The following VPS39 variants were observed in gnomAD, a reference collection of about 807,000 sequenced individuals.
The protein encoded by VPS39 is vam6/Vps39-like protein.
Under a neutral mutation model 121.0 loss-of-function variants are expected in VPS39, and 70 were observed. That is an observed-to-expected ratio of 0.58 (90% confidence interval 0.48 to 0.71). The LOEUF (loss-of-function observed/expected upper bound fraction) is 0.71. Ranked by LOEUF, VPS39 falls within the 30% of genes least tolerant of loss-of-function variation. The probability of loss-of-function intolerance (pLI) is 0.00; values close to 1 mark genes in which losing one functional copy is unlikely to be tolerated. For missense variants in VPS39, 818 were observed against 1,051.5 expected, an observed-to-expected ratio of 0.78 and a Z score of 3.07; for synonymous variants, 378 against 398.1, an observed-to-expected ratio of 0.95 and a Z score of 0.60.
chr15:42,202,206 C>T (rs1330335044), intron 1 of VPS39, among the ~76,000 whole-genome samples: 1 of 152,158 alleles, frequency 6.6e-6, no homozygotes, highest in Admixed American at 6.5e-5. Context: ...AGGTCAGCAC[C>T]TACATTCCTT....
chr15:42,207,159 T>A (rs1220986566), intron 1 of VPS39, among the ~76,000 whole-genome samples: 1 of 151,466 alleles, frequency 6.6e-6, no homozygotes, highest in African/African-American at 2.5e-5. Flanking sequence ...ACGCACATGG[T>A]ATCAGACACC....
Position 42,187,374 on chromosome 15 carries a change from A to C in VPS39, c.442-11T>G. 1.3e-6 allele frequency: 2 copies of C among 1,590,704 alleles called. No homozygotes were observed. On this transcript the variant is annotated splice_polypyrimidine_tract_variant and intron_variant, in intron 6 of 24. Coordinates refer to ENST00000318006, the MANE Select transcript of VPS39 (RefSeq NM_015289.5). ...CACACTAAAGTCCCCCTGAAAAAAG[A>C]GAGCAAGGATCTGAATGAAATAAAT...
chr15:42,166,939 G>A, intron 13 of VPS39, 26 bp from the exon 14 acceptor site: 1 of 1,613,226 alleles, frequency 6.2e-7, no homozygotes, highest in Non-Finnish European at 8.5e-7. Context: ...GAGTTCAGTG[G>A]AAACTGCTTC....
chr15:42,187,013 T>C (rs182995963), intron 7 of VPS39, among the ~76,000 whole-genome samples: 151 of 152,348 alleles, frequency 9.9e-4, no homozygotes, highest in African/African-American at 3.4e-3. Context: ...CAGCCTTCAT[T>C]ATCTGTCCCA....
intron 1 of VPS39, among the ~76,000 whole-genome samples, chr15:42,207,554 G>A (rs1221034597): frequency 6.6e-6 from 1 of 152,174 alleles, no homozygotes; most frequent in South Asian, 2.1e-4. Flanking sequence ...CGCTTGGCTA[G>A]ATTCAAAGGT....
rs2049251615 is a variant in VPS39 at position 42,166,767 on chromosome 15, C to G, written c.1519+5G>C. ...CCTCCCAGATCCAAGGAACCACTCC[C>G]ACACCTTTCTCGTGGAGCCCCTTCT... On this transcript the variant is annotated splice_donor_5th_base_variant and intron_variant, in intron 14 of 24. Coordinates refer to ENST00000318006, the MANE Select transcript of VPS39 (RefSeq NM_015289.5). 3 of 1,614,058 alleles carry G rather than the reference C, an allele frequency of 1.9e-6. No homozygotes were observed. The Admixed American group carries it at 5.0e-5, about 27-fold the overall frequency.
At chr15:42,192,216 T>TATCATC (rs932168466) in intron 2 of VPS39, 8 of 958,690 alleles carry the variant, frequency 8.3e-6, no homozygotes, top group African/African-American at 4.9e-5. Flanking sequence ...AGAGAATAAT[T>TATCATC]ATCATCATCA....
Position 42,160,117 on chromosome 15 carries a change from C to T in VPS39, c.*637G>A, listed in dbSNP as rs1219391412. On this transcript the variant is annotated 3_prime_UTR_variant, in exon 25 of 25. Transcript: ENST00000318006. Reference sequence around the variant, plus strand: ...TGAGACCCCTTGCTTCTCATCTTACCTTGCTTAAATATTAGTTATTCCCAG... The same window carrying T: ...TGAGACCCCTTGCTTCTCATCTTACTTTGCTTAAATATTAGTTATTCCCAG... The T allele has an allele frequency of 6.5e-6, 1 of 152,814 alleles. No homozygotes were observed. The highest frequency in any genetic ancestry group is 2.4e-5 in the African/African-American group (1 of 41,436). 9.5% of individuals were successfully genotyped at this position (152,814 alleles called of 1,614,324 possible). A position where few individuals can be genotyped will look rare whatever the true frequency, so the allele number is the denominator to read the frequency against.
intron 12 of VPS39, among the ~76,000 whole-genome samples, chr15:42,168,499 A>G (rs1334513382): frequency 6.6e-6 from 1 of 151,508 alleles, no homozygotes; most frequent in Non-Finnish European, 1.5e-5. Context: ...ACCCAGAGGC[A>G]GGGAGTGGAA....
At chr15:42,164,691 T>C in intron 18 of VPS39, 1 of 1,434,858 alleles carries the variant, frequency 7.0e-7, no homozygotes, top group Non-Finnish European at 9.1e-7. Context: ...ATAAGCTGAA[T>C]AGAGAAATAC....
At chr15:42,199,989 A>AG (rs1566911503) in intron 1 of VPS39, 28 bp from the exon 2 acceptor site, 1 of 1,551,966 alleles carries the variant, frequency 6.4e-7, no homozygotes, top group Admixed American at 2.2e-5. Flanking sequence ...AACAAAAACA[A>AG]AAACAAAAAA....
chr15:42,182,128 G>T (rs1489440502), intron 8 of VPS39, among the ~76,000 whole-genome samples: 4 of 152,198 alleles, frequency 2.6e-5, no homozygotes, highest in Admixed American at 1.3e-4. Context: ...AGTAACTTGA[G>T]AACTAAGTTA....
intron 8 of VPS39, among the ~76,000 whole-genome samples, chr15:42,182,172 A>G (rs660126): frequency 0.31 from 47,277 of 152,180 alleles, 11,242 homozygotes; most frequent in African/African-American, 0.65. Flanking sequence ...CTGCTATTAT[A>G]CTGATATTTT....
chr15:42,164,533 A>T, intron 18 of VPS39, 47 bp from the exon 19 acceptor site: 1 of 1,605,542 alleles, frequency 6.2e-7, no homozygotes, highest in Non-Finnish European at 8.5e-7. Context: ...GCCAGGTGGC[A>T]ATGTAGGGTC....
At position 42,189,143 on chromosome 15, in the gene VPS39, C is replaced by T; in HGVS notation, c.313G>A (p.Gly105Arg). The T allele has an allele frequency of 1.2e-6, 2 of 1,613,882 alleles. No individual in the cohort carries two copies. Among genetic ancestry groups the T allele is most frequent in the South Asian group, 1.1e-5 (1 of 91,072 alleles). The change falls in exon 5 of 25, where the codon GGA becomes AGA. Residue 105 changes from glycine to arginine, a missense_variant. Physicochemically the swap from Gly to Arg is moderately radical, Grantham distance 125. Coordinates refer to ENST00000318006, the MANE Select transcript of VPS39 (RefSeq NM_015289.5). The part of the protein sequence containing the change: ...QQITTVSKAK[G>R]ASLFTCDLQH... ...AGGTCACAAGTAAACAGTGATGCTC[C>T]CTTTGCCTTTGAAACCGTAGTGATT...
chr15:42,201,715 G>A (rs1451280363), intron 1 of VPS39, among the ~76,000 whole-genome samples: 1 of 152,162 alleles, frequency 6.6e-6, no homozygotes, highest in Non-Finnish European at 1.5e-5. Flanking sequence ...GGCTCAGAAA[G>A]AGTTTAAATA....
intron 1 of VPS39, among the ~76,000 whole-genome samples, chr15:42,203,473 CAAA>C (rs58706734): frequency 2.3e-5 from 3 of 127,946 alleles, no homozygotes; most frequent in African/African-American, 2.7e-5. Flanking sequence ...GACTCTGTCT[CAAA>C]AAAAAAAAAA....
intron 12 of VPS39, among the ~76,000 whole-genome samples, chr15:42,167,925 A>T (rs530911554): frequency 6.6e-6 from 1 of 152,348 alleles, no homozygotes; most frequent in South Asian, 2.1e-4. Flanking sequence ...TTATTGAGGT[A>T]TAACTTACAA....
intron 7 of VPS39, among the ~76,000 whole-genome samples, chr15:42,186,307 G>A (rs2049700633): frequency 2.0e-5 from 3 of 151,802 alleles, no homozygotes; most frequent in Admixed American, 2.0e-4. Flanking sequence ...AATTAGCTGA[G>A]CATGGTGGTA....
Sources: gnomAD v4.1 joint callset for allele counts (sites outside exome capture counted in the v4.1 genomes callset) on GRCh38, gnomAD v4.1.1 for gene constraint, MANE v1.5 for transcripts, NCBI Gene and HGNC (gene_info 2026-07-23, HGNC 2026-07-21) for gene names.